SEMA6D: variants seen among roughly 807,000 people sequenced by gnomAD.
The protein encoded by SEMA6D is semaphorin-6D.
Under a neutral mutation model 106.6 loss-of-function variants are expected in SEMA6D, and 35 were observed. The observed-to-expected ratio is 0.33, with a 90% CI of 0.25 to 0.44. The LOEUF is 0.44. Among genes scored for constraint, SEMA6D ranks in the 20% least tolerant of loss-of-function variants. The pLI is 1.00. For missense variants in SEMA6D, 1,185 were observed against 1,345.9 expected (o/e 0.88, Z 1.87); for synonymous variants, 499 against 487.7 (o/e 1.02, Z -0.31).
intron 9 of SEMA6D, among the ~76,000 whole-genome samples, chr15:47,763,456 G>A (rs183571649): frequency 5.3e-5 from 8 of 152,202 alleles, no homozygotes; most frequent in East Asian, 3.9e-4. Flanking sequence ...AGAAAGTAGC[G>A]ACCCCATTCA....
At chr15:47,368,571 C>T (rs975747707) in intron 1 of SEMA6D, among the ~76,000 whole-genome samples, 12 of 151,830 alleles carry the variant, frequency 7.9e-5, no homozygotes, top group Non-Finnish European at 1.6e-4. Flanking sequence ...CCCGGGTTCA[C>T]GCCATTCTCC....
At chr15:47,651,670 A>T (rs1048598017) in intron 4 of SEMA6D, among the ~76,000 whole-genome samples, 1 of 152,198 alleles carries the variant, frequency 6.6e-6, no homozygotes, top group African/African-American at 2.4e-5. Context: ...GTCAGACCTG[A>T]TTCAGCTACA....
chr15:47,375,797 A>G (rs2039428162), intron 1 of SEMA6D, among the ~76,000 whole-genome samples: 1 of 152,256 alleles, frequency 6.6e-6, no homozygotes. Context: ...ATTTTTATGC[A>G]TTGAAAATAA....
intron 1 of SEMA6D, among the ~76,000 whole-genome samples, chr15:47,209,132 G>A (rs781113659): frequency 6.6e-5 from 10 of 152,016 alleles, no homozygotes; most frequent in Non-Finnish European, 8.8e-5. Flanking sequence ...ACTATATATA[G>A]TATAGTTCAA....
intron 3 of SEMA6D, among the ~76,000 whole-genome samples, chr15:47,578,556 A>G (rs959270754): frequency 2.0e-5 from 3 of 152,224 alleles, no homozygotes; most frequent in African/African-American, 4.8e-5. Context: ...TAACACTTCC[A>G]TGTCTTTATA....
At chr15:47,260,712 G>A (rs1450322258) in intron 1 of SEMA6D, among the ~76,000 whole-genome samples, 1 of 152,124 alleles carries the variant, frequency 6.6e-6, no homozygotes, top group African/African-American at 2.4e-5. Context: ...GCTTGTGTTG[G>A]TGATTGTCCT....
chr15:47,684,931 A>G (rs1010972806), intron 4 of SEMA6D, among the ~76,000 whole-genome samples: 3 of 152,222 alleles, frequency 2.0e-5, no homozygotes, highest in Non-Finnish European at 4.4e-5. Flanking sequence ...ACCTGGGGAA[A>G]CTTACCGTGG....
chr15:47,242,189 A>G (rs956232180), intron 1 of SEMA6D, among the ~76,000 whole-genome samples: 5 of 152,176 alleles, frequency 3.3e-5, no homozygotes, highest in African/African-American at 1.2e-4. Context: ...TAGGTACTTC[A>G]TATTTACAAG....
chr15:47,642,440 GCACA>G (rs139789990), intron 4 of SEMA6D, among the ~76,000 whole-genome samples: 84 of 150,972 alleles, frequency 5.6e-4, no homozygotes, highest in Admixed American at 1.8e-3. Context: ...AGAAACAGAT[GCACA>G]CACACACACA....
chr15:47,764,542 G>T, intron 11 of SEMA6D, 96 bp from the exon 12 acceptor site: 2 of 1,526,654 alleles, frequency 1.3e-6, no homozygotes, highest in South Asian at 2.5e-5. Context: ...TTCCTCACTT[G>T]ACCTCTTCTC....
Position 47,770,743 on chromosome 15 carries a change from A to T in SEMA6D, c.2180A>T (p.Glu727Val), listed in dbSNP as rs896466662. The change falls in exon 19 of 19, where the codon GAA (glutamate) becomes GTA (valine). Residue 727 changes from glutamate to valine, a missense_variant. By Grantham distance (121) the Glu-to-Val change is moderately radical. This residue lies in a region of SEMA6D where 750 missense variants were observed against 783.5 expected (regional missense o/e 0.96). Transcript: ENST00000536845. ...GGTCTCTTTGACAGCCCTGTCAAGG[A>T]ATACCAACAGAATATTGATTCTCCT... ...LNGLFDSPVK[E>V]YQQNIDSPKL... 24 of 1,614,144 alleles carry T rather than the reference A, an allele frequency of 1.5e-5. No homozygotes were observed. Among genetic ancestry groups the T allele is most frequent in the Non-Finnish European group, 2.0e-5 (24 of 1,179,992 alleles).
chr15:47,710,723 T>C (rs1187220498), intron 4 of SEMA6D, among the ~76,000 whole-genome samples: 2 of 152,202 alleles, frequency 1.3e-5, no homozygotes, highest in Non-Finnish European at 2.9e-5. Context: ...CTCTAACCAG[T>C]CCTTCTGGAC....
At chr15:47,661,000 G>A (rs1391541157) in intron 4 of SEMA6D, among the ~76,000 whole-genome samples, 6 of 152,192 alleles carry the variant, frequency 3.9e-5, no homozygotes, top group Admixed American at 1.3e-4. Context: ...CTCAGCCACA[G>A]TTATCAGTTC....
At chr15:47,657,994 C>A (rs1000407770) in intron 4 of SEMA6D, among the ~76,000 whole-genome samples, 1 of 151,798 alleles carries the variant, frequency 6.6e-6, no homozygotes, top group African/African-American at 2.4e-5. Flanking sequence ...CCCACCTCGG[C>A]CTCCCAAAGT....
chr15:47,673,496 T>G (rs1039004475), intron 4 of SEMA6D, among the ~76,000 whole-genome samples: 1 of 152,194 alleles, frequency 6.6e-6, no homozygotes, highest in African/African-American at 2.4e-5. Context: ...ACATGCTGCC[T>G]ATCACAGAAT....
At chr15:47,735,711 C>T (rs1322970687) in intron 1 of SEMA6D, among the ~76,000 whole-genome samples, 6 of 152,252 alleles carry the variant, frequency 3.9e-5, no homozygotes, top group East Asian at 1.9e-4. Context: ...CCCGCCTAAA[C>T]GTTTGCATCA....
intron 3 of SEMA6D, among the ~76,000 whole-genome samples, chr15:47,566,276 A>G (rs1005650267): frequency 3.9e-5 from 6 of 152,214 alleles, no homozygotes; most frequent in African/African-American, 1.4e-4. Context: ...GCTTTGACAG[A>G]TTCATGCTAG....
chr15:47,686,460 A>T (rs150623471), intron 4 of SEMA6D, among the ~76,000 whole-genome samples: 328 of 152,358 alleles, frequency 2.2e-3, no homozygotes, highest in Middle Eastern at 0.01. Flanking sequence ...GACCTTCTGC[A>T]AGAAAAGCCA....
At chr15:47,602,499 G>T (rs1173424073) in intron 4 of SEMA6D, among the ~76,000 whole-genome samples, 1 of 151,916 alleles carries the variant, frequency 6.6e-6, no homozygotes, top group South Asian at 2.1e-4. Flanking sequence ...ATGCTGGGAG[G>T]GGGGCTTGTG....
Sources: gnomAD v4.1 joint callset for allele counts (sites outside exome capture counted in the v4.1 genomes callset) on GRCh38, gnomAD v4.1.1 for gene constraint, gnomAD v4.1.1 regional missense constraint, MANE v1.5 for transcripts, NCBI Gene and HGNC (gene_info 2026-07-23, HGNC 2026-07-21) for gene names.